MEGF11: variants seen among roughly 807,000 people sequenced by gnomAD.
The protein encoded by MEGF11 is multiple epidermal growth factor-like domains protein 11.
A neutral mutation model predicts 146.6 loss-of-function variants in MEGF11; 126 were observed. That is an observed-to-expected ratio of 0.86 (90% CI 0.74 to 1.00). The LOEUF is 1.00. MEGF11 is among the 50% of genes least tolerant of loss of function. The pLI, the probability that MEGF11 is intolerant of heterozygous loss-of-function variation, is 0.00. For synonymous variants in MEGF11, 532 were observed against 583.4 expected, an observed-to-expected ratio of 0.91 and a Z score of 1.27; for missense variants, 1,509 against 1,521.2, an observed-to-expected ratio of 0.99 and a Z score of 0.13.
chr15:66,142,985 G>C lies in MEGF11; in HGVS notation c.-8-14574C>G, dbSNP rs1345323628. On this transcript the variant is annotated intron_variant, in intron 1 of 25. Transcript: ENST00000395614. ...AGGTTGACTGACAGTCCTGCAGTTT[G>C]AAAGCCAAATCAGGATCCTAGTTCA... Among the ~76,000 whole-genome samples, 4 of 152,332 alleles carry C rather than the reference G, an allele frequency of 2.6e-5. No homozygotes were observed. In the South Asian group the frequency reaches 6.2e-4, roughly 24 times the overall value.
At chr15:65,932,942 C>CT (rs1216595466) in intron 10 of MEGF11, among the ~76,000 whole-genome samples, 4 of 152,154 alleles carry the variant, frequency 2.6e-5, no homozygotes, top group Non-Finnish European at 5.9e-5. Flanking sequence ...CTGCCCGTCT[C>CT]TGAGTCTCAG....
intron 5 of MEGF11, among the ~76,000 whole-genome samples, chr15:66,031,777 C>G (rs747225951): frequency 1.3e-5 from 2 of 152,220 alleles, no homozygotes; most frequent in Non-Finnish European, 2.9e-5. Context: ...GAATGTGTCT[C>G]CCAAAAGTTC....
intron 1 of MEGF11, among the ~76,000 whole-genome samples, chr15:66,231,084 G>A (rs2091958733): frequency 6.6e-6 from 1 of 152,180 alleles, no homozygotes; most frequent in Non-Finnish European, 1.5e-5. Context: ...CTAGGTTAAA[G>A]AAAGCAATCA....
intron 5 of MEGF11, among the ~76,000 whole-genome samples, chr15:65,996,638 A>G (rs938652453): frequency 1.3e-5 from 2 of 152,164 alleles, no homozygotes; most frequent in South Asian, 2.1e-4. Context: ...GGCGTGAGCC[A>G]TCACACCCAG....
chr15:66,138,830 A>G (rs968743616), intron 1 of MEGF11, among the ~76,000 whole-genome samples: 1 of 152,246 alleles, frequency 6.6e-6, no homozygotes, highest in Non-Finnish European at 1.5e-5. Flanking sequence ...GCATAGCCCC[A>G]GGGAAAATAT....
chr15:66,100,497 C>T (rs1351625912), intron 4 of MEGF11, among the ~76,000 whole-genome samples: 2 of 152,220 alleles, frequency 1.3e-5, no homozygotes, highest in African/African-American at 2.4e-5. Context: ...TGCTACTTCC[C>T]GGTTGCAAGC....
intron 5 of MEGF11, among the ~76,000 whole-genome samples, chr15:66,021,294 C>T (rs2083123477): frequency 6.6e-6 from 1 of 152,198 alleles, no homozygotes; most frequent in African/African-American, 2.4e-5. Flanking sequence ...CCAAATGTTC[C>T]TCTCAGCCTC....
At chr15:66,018,972 G>GC (rs1280907576) in intron 5 of MEGF11, among the ~76,000 whole-genome samples, 1 of 152,218 alleles carries the variant, frequency 6.6e-6, no homozygotes, top group African/African-American at 2.4e-5. Context: ...CATCTGCTCT[G>GC]CCCCCCAGAT....
chr15:66,237,713 G>A (rs1355416764), intron 1 of MEGF11, among the ~76,000 whole-genome samples: 3 of 152,200 alleles, frequency 2.0e-5, no homozygotes, highest in Non-Finnish European at 4.4e-5. Flanking sequence ...GCTCAATGCT[G>A]TCTGGAGGGC....
chr15:65,933,738 G>C (rs1053281312), intron 10 of MEGF11, among the ~76,000 whole-genome samples: 2 of 152,214 alleles, frequency 1.3e-5, no homozygotes, highest in Non-Finnish European at 2.9e-5. Flanking sequence ...GGCAGCAGGG[G>C]TGAGGGATCA....
chr15:66,017,346 T>C (rs1305237759), intron 5 of MEGF11, among the ~76,000 whole-genome samples: 1 of 152,168 alleles, frequency 6.6e-6, no homozygotes, highest in Non-Finnish European at 1.5e-5. Context: ...GCACCTTCTG[T>C]GGGCCAAGCA....
intron 5 of MEGF11, among the ~76,000 whole-genome samples, chr15:66,065,995 A>G (rs995512300): frequency 6.6e-6 from 1 of 152,182 alleles, no homozygotes; most frequent in Non-Finnish European, 1.5e-5. Context: ...CCAAGTTAAC[A>G]GGATTTGAGA....
At chr15:65,912,714 T>A (rs938314173) in intron 20 of MEGF11, among the ~76,000 whole-genome samples, 1 of 152,110 alleles carries the variant, frequency 6.6e-6, no homozygotes, top group Non-Finnish European at 1.5e-5. Flanking sequence ...AATCCCCAAA[T>A]CTGTGTGTGG....
chr15:66,039,794 GGCGGCGGTGGGGT>G (rs2083880795), intron 5 of MEGF11, among the ~76,000 whole-genome samples: 1 of 124,472 alleles, frequency 8.0e-6, no homozygotes, highest in Non-Finnish European at 1.7e-5. Context: ...AGCCGGGTCA[GGCGGCGGTGGGGT>G]GACGGTCCTG....
At chr15:66,113,094 C>T (rs910713787) in intron 4 of MEGF11, among the ~76,000 whole-genome samples, 21 of 152,174 alleles carry the variant, frequency 1.4e-4, no homozygotes, top group African/African-American at 4.8e-5. Flanking sequence ...TTAAATCTTA[C>T]ACTGCCTGAC....
intron 10 of MEGF11, among the ~76,000 whole-genome samples, chr15:65,952,749 G>C (rs751882108): frequency 2.0e-5 from 3 of 152,204 alleles, no homozygotes; most frequent in Non-Finnish European, 4.4e-5. Context: ...TTTTATAGAT[G>C]AGAAATAGAA....
At chr15:66,042,297 A>T (rs899197218) in intron 5 of MEGF11, among the ~76,000 whole-genome samples, 10 of 151,892 alleles carry the variant, frequency 6.6e-5, no homozygotes, top group African/African-American at 2.4e-4. Context: ...TTTAGTAGAG[A>T]CGGGGTTTCA....
Position 66,024,575 on chromosome 15 carries a change from G to C in MEGF11, c.395-42087C>G, listed in dbSNP as rs145186441. 7.5e-3 allele frequency among the ~76,000 whole-genome samples: 1,150 copies of C among 152,330 alleles called. 5 individuals are homozygous for C. The highest frequency in any genetic ancestry group is 0.011 in the Admixed American group (173 of 15,304). On this transcript the variant is annotated intron_variant, in intron 5 of 25. Transcript: ENST00000395614. The stretch of plus-strand genomic sequence containing the variant: ...GTGTTAGGCCCTTTACATGCATTAT[G>C]TTGTGGCATCATTTCCAAAATGCTG...
intron 11 of MEGF11, 72 bp downstream of exon 11, chr15:65,930,751 C>G: frequency 6.7e-7 from 1 of 1,484,302 alleles, no homozygotes; most frequent in Non-Finnish European, 9.1e-7. Context: ...ACCTGAGACC[C>G]CTCAGCTGGC....
Sources: gnomAD v4.1 joint callset for allele counts (sites outside exome capture counted in the v4.1 genomes callset) on GRCh38, gnomAD v4.1.1 for gene constraint, MANE v1.5 for transcripts, NCBI Gene and HGNC (gene_info 2026-07-23, HGNC 2026-07-21) for gene names.